CADM2: variants seen among roughly 807,000 people sequenced by gnomAD.
The protein encoded by CADM2 is cell adhesion molecule 2, also known as immunoglobulin superfamily member 4D.
Under a neutral mutation model 49.8 loss-of-function variants are expected in CADM2, and 12 were observed. The ratio of observed to expected loss-of-function variants is 0.24; its 90% CI spans 0.15 to 0.39. CADM2 has a LOEUF of 0.39. Ranked by LOEUF, CADM2 falls within the 10% of genes least tolerant of loss-of-function variation. The probability of loss-of-function intolerance (pLI) is 1.00; values close to 1 mark genes in which losing one functional copy is unlikely to be tolerated. For synonymous variants in CADM2, 214 were observed against 175.4 expected, an observed-to-expected ratio of 1.22 and a Z score of -1.74; for missense variants, 378 against 492.3, an observed-to-expected ratio of 0.77 and a Z score of 2.20.
intron 1 of CADM2, among the ~76,000 whole-genome samples, chr3:85,202,838 TC>T (rs1481400959): frequency 6.6e-6 from 1 of 152,220 alleles, no homozygotes; most frequent in African/African-American, 2.4e-5. Flanking sequence ...GCCACCTTCA[TC>T]AATAATCTTA....
intron 1 of CADM2, among the ~76,000 whole-genome samples, chr3:85,702,750 C>G (rs933487692): frequency 7.9e-5 from 12 of 152,038 alleles, no homozygotes; most frequent in Non-Finnish European, 8.8e-5. Context: ...CTTTTGTTTG[C>G]TTATGTGTTT....
intron 1 of CADM2, among the ~76,000 whole-genome samples, chr3:85,107,499 G>A (rs1309716772): frequency 2.6e-5 from 4 of 152,072 alleles, no homozygotes; most frequent in Non-Finnish European, 5.9e-5. Flanking sequence ...GGTCCCTTAA[G>A]CATTGCTGAT....
intron 6 of CADM2, among the ~76,000 whole-genome samples, chr3:85,929,461 A>C (rs1720323577): frequency 6.6e-6 from 1 of 152,130 alleles, no homozygotes; most frequent in Non-Finnish European, 1.5e-5. Flanking sequence ...CATGTAAGGA[A>C]AAGTTTGGAT....
intron 3 of CADM2, among the ~76,000 whole-genome samples, chr3:85,814,800 A>G (rs939301554): frequency 1.3e-5 from 2 of 151,976 alleles, no homozygotes; most frequent in South Asian, 4.1e-4. Flanking sequence ...TCAAATTTAT[A>G]TCCTATAGTG....
chr3:85,508,418 G>T (rs2040454056), intron 1 of CADM2, among the ~76,000 whole-genome samples: 2 of 152,176 alleles, frequency 1.3e-5, no homozygotes, highest in Non-Finnish European at 2.9e-5. Flanking sequence ...GCATAAGCAA[G>T]TTGGTTGCTA....
At chr3:85,892,380 T>A (rs553125227) in intron 5 of CADM2, among the ~76,000 whole-genome samples, 1 of 152,318 alleles carries the variant, frequency 6.6e-6, no homozygotes, top group Non-Finnish European at 1.5e-5. Context: ...AATATGTTCA[T>A]GATATGGTTG....
At chr3:86,026,478 G>T (rs1446042553) in intron 8 of CADM2, among the ~76,000 whole-genome samples, 1 of 152,064 alleles carries the variant, frequency 6.6e-6, no homozygotes, top group African/African-American at 2.4e-5. Context: ...GTTTAAGCAA[G>T]AAAGCACTAT....
At chr3:85,899,689 T>A (rs1715836967) in intron 5 of CADM2, among the ~76,000 whole-genome samples, 2 of 152,232 alleles carry the variant, frequency 1.3e-5, no homozygotes, top group African/African-American at 2.4e-5. Flanking sequence ...AGTATTTGAC[T>A]AGGAATTATG....
At chr3:85,845,299 G>A (rs2108275018) in intron 3 of CADM2, among the ~76,000 whole-genome samples, 1 of 152,204 alleles carries the variant, frequency 6.6e-6, no homozygotes, top group Admixed American at 6.5e-5. Context: ...TCACAAGATA[G>A]ATAGCAGGAC....
At chr3:86,032,607 C>G (rs1257100498) in intron 8 of CADM2, among the ~76,000 whole-genome samples, 2 of 151,806 alleles carry the variant, frequency 1.3e-5, no homozygotes, top group African/African-American at 4.8e-5. Flanking sequence ...TAACTCTATA[C>G]TTGTAACCAT....
chr3:85,433,764 C>T (rs1276639083), intron 1 of CADM2, among the ~76,000 whole-genome samples: 1 of 151,940 alleles, frequency 6.6e-6, no homozygotes, highest in Non-Finnish European at 1.5e-5. Context: ...TTTAGAGATA[C>T]GAGTCTAACT....
At chr3:84,989,634 GTCAGAATTAAAACTCTTAA>G (rs939970516) in intron 1 of CADM2, among the ~76,000 whole-genome samples, 1 of 151,956 alleles carries the variant, frequency 6.6e-6, no homozygotes, top group Middle Eastern at 3.2e-3. Context: ...CCAAATTTTA[GTCAGAATTAAAACTCTTAA>G]TAACCTGAGC....
chr3:85,916,801 G>A (rs1475320998), intron 6 of CADM2, among the ~76,000 whole-genome samples: 1 of 152,046 alleles, frequency 6.6e-6, no homozygotes, highest in African/African-American at 2.4e-5. Flanking sequence ...GTGTAAAAGT[G>A]TTTCTATTTC....
intron 1 of CADM2, among the ~76,000 whole-genome samples, chr3:84,983,163 T>C (rs2032313152): frequency 6.6e-6 from 1 of 152,162 alleles, no homozygotes; most frequent in African/African-American, 2.4e-5. Context: ...AGGCTGGATA[T>C]TTCATTTTGC....
intron 1 of CADM2, among the ~76,000 whole-genome samples, chr3:85,628,526 C>A (rs28549905): frequency 4.0e-5 from 5 of 126,026 alleles, no homozygotes; most frequent in African/African-American, 1.3e-4. Context: ...TATATATATA[C>A]ACACATATAT....
At chr3:85,351,745 G>A (rs2031372431) in intron 1 of CADM2, among the ~76,000 whole-genome samples, 1 of 152,074 alleles carries the variant, frequency 6.6e-6, no homozygotes, top group Non-Finnish European at 1.5e-5. Context: ...GCCTGGGCCT[G>A]TCTATATTTG....
At chr3:85,333,953 A>G (rs936077003) in intron 1 of CADM2, among the ~76,000 whole-genome samples, 6 of 151,778 alleles carry the variant, frequency 4.0e-5, no homozygotes, top group African/African-American at 9.7e-5. Context: ...TTGGAAGTAT[A>G]TGAGTAAAAT....
intron 8 of CADM2, among the ~76,000 whole-genome samples, chr3:85,965,415 CTATTCTTACTCTTA>C (rs1577803351): frequency 6.6e-6 from 1 of 151,044 alleles, no homozygotes; most frequent in Non-Finnish European, 1.5e-5. Context: ...ATAAATTAGA[CTATTCTTACTCTTA>C]TATTTCTAGT....
intron 3 of CADM2, among the ~76,000 whole-genome samples, chr3:85,814,938 C>T (rs558973207): frequency 6.6e-6 from 1 of 151,928 alleles, no homozygotes; most frequent in African/African-American, 2.4e-5. Flanking sequence ...TATAGAAATA[C>T]AAACTACCAT....
Sources: gnomAD v4.1 joint callset for allele counts (sites outside exome capture counted in the v4.1 genomes callset) on GRCh38, gnomAD v4.1.1 for gene constraint, MANE v1.5 for transcripts, NCBI Gene and HGNC (gene_info 2026-07-23, HGNC 2026-07-21) for gene names.